ZNF283: variants seen among roughly 807,000 people sequenced by gnomAD.
ZNF283 encodes zinc finger protein 41.
A neutral mutation model predicts 9.2 loss-of-function variants in ZNF283; 10 were observed. The ratio of observed to expected loss-of-function variants is 1.09; its 90% CI spans 0.67 to 1.85. The LOEUF is 1.85. Among genes scored for constraint, ZNF283 ranks in the 40% most tolerant of loss-of-function variants. The pLI, the probability that ZNF283 is intolerant of heterozygous loss-of-function variation, is 0.00. For missense variants in ZNF283, 631 were observed against 760.1 expected, an observed-to-expected ratio of 0.83 and a Z score of 2.00; for synonymous variants, 234 against 244.1, an observed-to-expected ratio of 0.96 and a Z score of 0.38.
At chr19:43,835,647 CT>C in intron 5 of ZNF283, 55 bp downstream of exon 5, 2 of 1,349,172 alleles carry the variant, frequency 1.5e-6, no homozygotes, top group Non-Finnish European at 1.0e-6. Context: ...GCGTGTGAAT[CT>C]TTTCATTAAT....
intron 4 of ZNF283, among the ~76,000 whole-genome samples, chr19:43,834,470 T>C (rs1970866013): frequency 2.0e-5 from 3 of 151,952 alleles, no homozygotes; most frequent in South Asian, 2.1e-4. Flanking sequence ...ATACAGTTCA[T>C]GTAATGTATG....
At position 43,828,275 on chromosome 19, in the gene ZNF283, G is replaced by A. The variant is rs1415004595; in HGVS notation, c.-71G>A. The A allele has an allele frequency of 1.3e-5, 2 of 152,180 alleles. No individual in the cohort carries two copies. The highest frequency in any genetic ancestry group is 2.9e-5 in the Non-Finnish European group (2 of 68,026). 9.4% of individuals were successfully genotyped at this position (152,180 alleles called of 1,614,324 possible). A position where few individuals can be genotyped will look rare whatever the true frequency, so the allele number is the denominator to read the frequency against. ...GGATTTTTGCATGTTTAGAAATCAA[G>A]GTTCAGGTGAGGTTTTTTATACATA... On this transcript the variant is annotated 5_prime_UTR_variant, in exon 2 of 7. Coordinates refer to ENST00000618787, the MANE Select transcript of ZNF283 (RefSeq NM_181845.2).
chr19:43,848,021 C>T lies in ZNF283; in HGVS notation c.1420C>T (p.Leu474Phe). The T allele has an allele frequency of 6.2e-7, 1 of 1,613,504 alleles. No homozygotes were observed. The highest frequency in any genetic ancestry group is 8.5e-7 in the Non-Finnish European group (1 of 1,179,876). ...CGKAFSWGSSLVKHERVHTGE... is the reference protein window; with the variant it reads ...CGKAFSWGSSFVKHERVHTGE... ...GAAGGCCTTTAGTTGGGGTTCAAGCCTTGTTAAACATGAGAGAGTTCATAC... is the reference window on the plus strand; with the variant it reads ...GAAGGCCTTTAGTTGGGGTTCAAGCTTTGTTAAACATGAGAGAGTTCATAC... The change falls in exon 7 of 7, where the codon CTT becomes TTT. Residue 474 changes from leucine (L) to phenylalanine (F), a missense_variant. Coordinates refer to ENST00000618787, the MANE Select transcript of ZNF283 (RefSeq NM_181845.2).
At chr19:43,840,527 C>G (rs1460894337) in intron 6 of ZNF283, among the ~76,000 whole-genome samples, 1 of 152,192 alleles carries the variant, frequency 6.6e-6, no homozygotes, top group Non-Finnish European at 1.5e-5. Context: ...CCTGTCATCC[C>G]ATAGCATTGG....
At chr19:43,834,975 A>G (rs1277787878) in intron 4 of ZNF283, among the ~76,000 whole-genome samples, 1 of 152,140 alleles carries the variant, frequency 6.6e-6, no homozygotes, top group Non-Finnish European at 1.5e-5. Flanking sequence ...ATTGATATAT[A>G]TGTATTTTAT....
At chr19:43,834,807 G>T (rs535448425) in intron 4 of ZNF283, among the ~76,000 whole-genome samples, 3 of 152,042 alleles carry the variant, frequency 2.0e-5, no homozygotes, top group Non-Finnish European at 4.4e-5. Flanking sequence ...TGTTAGCCAG[G>T]ATGGTCTCGA....
At position 43,835,600 on chromosome 19, in the gene ZNF283, G is replaced by T; in HGVS notation, c.210+8G>T. 6 of 1,580,300 alleles carry T rather than the reference G, an allele frequency of 3.8e-6. No individual in the cohort carries two copies. Among genetic ancestry groups the T allele is most frequent in the South Asian group, 1.1e-5 (1 of 88,272 alleles). On this transcript the variant is annotated splice_region_variant and intron_variant, in intron 5 of 6. Transcript: ENST00000618787. Reference sequence around the variant, plus strand: ...TCCAGAACCATGACTGATGTAAGTTGGTATTTTTCTCTCCATGAAATACTG... The same window carrying T: ...TCCAGAACCATGACTGATGTAAGTTTGTATTTTTCTCTCCATGAAATACTG...
chr19:43,835,659 T>A, intron 5 of ZNF283, 67 bp downstream of exon 5: 1 of 1,294,374 alleles, frequency 7.7e-7, no homozygotes, highest in Non-Finnish European at 1.1e-6. Context: ...TTTCATTAAT[T>A]TTCCTTAGAC....
intron 3 of ZNF283, among the ~76,000 whole-genome samples, 171 bp downstream of exon 3, chr19:43,831,552 C>T (rs1317671762): frequency 5.3e-5 from 8 of 152,008 alleles, no homozygotes; most frequent in South Asian, 2.1e-4. Flanking sequence ...AAAAACTCAG[C>T]GGTCCAGGAG....
intron 6 of ZNF283, among the ~76,000 whole-genome samples, chr19:43,839,532 AC>A (rs1971115787): frequency 6.6e-6 from 1 of 151,126 alleles, no homozygotes; most frequent in Non-Finnish European, 1.5e-5. Context: ...TTTTTTCTCT[AC>A]TTTTGTCTCT....
Position 43,848,456 on chromosome 19 carries a change from A to C in ZNF283, c.1855A>C (p.Arg619=). ...GSGYQLSVHQ[R]FHTGEKLYQR... is the part of the protein sequence containing the mutation. ...TGGCTATCAACTTAGTGTTCATCAG[A>C]GATTTCATACTGGTGAGAAGCTTTA... Residue 619 remains arginine (R), a synonymous_variant, in exon 7 of 7, where the codon AGA becomes CGA. Coordinates refer to ENST00000618787, the MANE Select transcript of ZNF283 (RefSeq NM_181845.2). The C allele has an allele frequency of 4.3e-6, 7 of 1,613,834 alleles. No homozygotes were observed. The highest frequency in any genetic ancestry group is 5.9e-6 in the Non-Finnish European group (7 of 1,179,756).
intron 6 of ZNF283, among the ~76,000 whole-genome samples, chr19:43,845,760 T>G (rs569086674): frequency 1.3e-5 from 2 of 152,122 alleles, no homozygotes; most frequent in Non-Finnish European, 2.9e-5. Flanking sequence ...CTAGCAGTCT[T>G]TTCTATCATA....
At chr19:43,829,992 C>T (rs2146528349) in intron 2 of ZNF283, among the ~76,000 whole-genome samples, 1 of 152,318 alleles carries the variant, frequency 6.6e-6, no homozygotes, top group South Asian at 2.1e-4. Context: ...CACTGCACTC[C>T]AGCCTGGGTA....
chr19:43,831,906 G>A (rs1454249345), intron 3 of ZNF283, among the ~76,000 whole-genome samples: 3 of 152,218 alleles, frequency 2.0e-5, no homozygotes, highest in Non-Finnish European at 4.4e-5. Flanking sequence ...TGGAATTACA[G>A]GCGTGAGCCA....
chr19:43,831,399 C>T lies in ZNF283; in HGVS notation c.-1+18C>T. The T allele has an allele frequency of 6.3e-7, 1 of 1,588,778 alleles. No homozygotes were observed. Among genetic ancestry groups the T allele is most frequent in the South Asian group, 1.1e-5 (1 of 89,208 alleles). ...GAGAGCTGGTAGGTGTAAATTGTTT[C>T]AGGCCCACTGATTTTCAGTGTTGGC... On this transcript the variant is annotated intron_variant, in intron 3 of 6. Transcript: ENST00000618787.
chr19:43,828,150 T>C (rs1159160750), intron 1 of ZNF283, 52 bp from the exon 2 acceptor site: 1 of 151,970 alleles, frequency 6.6e-6, no homozygotes, highest in Non-Finnish European at 1.5e-5. Context: ...TTTAATTAAG[T>C]CTGTGACGCG....
chr19:43,836,246 T>C (rs1056805803), intron 5 of ZNF283, among the ~76,000 whole-genome samples: 1 of 152,356 alleles, frequency 6.6e-6, no homozygotes, highest in Admixed American at 6.5e-5. Context: ...CTAACAGTGA[T>C]GTATTTGAGT....
chr19:43,837,412 C>T (rs1350662199), intron 6 of ZNF283: 1 of 426,044 alleles, frequency 2.3e-6, no homozygotes, highest in African/African-American at 2.0e-5. Context: ...CACCTCTCTC[C>T]TTTAATGGCC....
intron 2 of ZNF283, among the ~76,000 whole-genome samples, chr19:43,830,630 C>T (rs1970663255): frequency 6.6e-6 from 1 of 151,934 alleles, no homozygotes. Context: ...CAGCTGGGCT[C>T]AGTGGCTTAT....
Sources: gnomAD v4.1 joint callset for allele counts (sites outside exome capture counted in the v4.1 genomes callset) on GRCh38, gnomAD v4.1.1 for gene constraint, MANE v1.5 for transcripts, NCBI Gene and HGNC (gene_info 2026-07-23, HGNC 2026-07-21) for gene names.